CTNNA3: variants seen among roughly 807,000 people sequenced by gnomAD.
The protein encoded by CTNNA3 is catenin alpha-3.
A neutral mutation model predicts 95.7 loss-of-function variants in CTNNA3; 76 were observed. The observed-to-expected ratio is 0.79, with a 90% confidence interval of 0.66 to 0.96. CTNNA3 has a LOEUF of 0.96. Ranked by LOEUF, CTNNA3 falls within the 40% of genes least tolerant of loss-of-function variation. CTNNA3 has a pLI of 0.00. For synonymous variants in CTNNA3, 431 were observed against 374.4 expected (o/e 1.15, Z -1.74); for missense variants, 1,191 against 1,089.8 (o/e 1.09, Z -1.31).
chr10:67,423,568 C>A (rs1486370173), intron 5 of CTNNA3, among the ~76,000 whole-genome samples: 1 of 152,126 alleles, frequency 6.6e-6, no homozygotes, highest in Non-Finnish European at 1.5e-5. Flanking sequence ...AGACACTAAA[C>A]ACTTTTCAGT....
At chr10:65,970,216 C>A (rs2078064529) in intron 16 of CTNNA3, among the ~76,000 whole-genome samples, 1 of 152,160 alleles carries the variant, frequency 6.6e-6, no homozygotes, top group African/African-American at 2.4e-5. Context: ...ATTTTCCAGA[C>A]AAACAAGCAC....
intron 12 of CTNNA3, among the ~76,000 whole-genome samples, chr10:66,351,050 TAAAACA>T (rs980033200): frequency 5.3e-5 from 8 of 152,014 alleles, no homozygotes; most frequent in African/African-American, 1.4e-4. Context: ...TCTTTGAAAA[TAAAACA>T]AAAACAAAAA....
chr10:67,623,420 G>C (rs1362960836), intron 2 of CTNNA3, among the ~76,000 whole-genome samples: 1 of 152,092 alleles, frequency 6.6e-6, no homozygotes, highest in Non-Finnish European at 1.5e-5. Context: ...CCTTTAGAGG[G>C]GGTTGTGGTC....
chr10:67,582,551 G>T (rs1279654590), intron 3 of CTNNA3, among the ~76,000 whole-genome samples: 2 of 152,210 alleles, frequency 1.3e-5, no homozygotes, highest in African/African-American at 4.8e-5. Flanking sequence ...TTGGGGTGGA[G>T]AGCTCTGTAG....
intron 11 of CTNNA3, among the ~76,000 whole-genome samples, chr10:66,458,685 T>A (rs2093510106): frequency 6.6e-6 from 1 of 152,312 alleles, no homozygotes; most frequent in African/African-American, 2.4e-5. Flanking sequence ...ACAATATTTG[T>A]CCTTTTGTGT....
At chr10:66,877,644 T>C (rs1844677262) in intron 7 of CTNNA3, among the ~76,000 whole-genome samples, 1 of 152,148 alleles carries the variant, frequency 6.6e-6, no homozygotes, top group Non-Finnish European at 1.5e-5. Context: ...AGAAAATAAA[T>C]CCAGCTTTCC....
chr10:66,363,119 C>T (rs1459309534), intron 12 of CTNNA3, among the ~76,000 whole-genome samples: 3 of 152,170 alleles, frequency 2.0e-5, no homozygotes, highest in Non-Finnish European at 4.4e-5. Flanking sequence ...AGCTGCTAAA[C>T]ATTAGGCCAA....
intron 12 of CTNNA3, among the ~76,000 whole-genome samples, chr10:66,374,127 T>A (rs888390267): frequency 6.6e-6 from 1 of 152,174 alleles, no homozygotes; most frequent in Non-Finnish European, 1.5e-5. Context: ...ATTGGGCCCC[T>A]CTGCTATGTG....
chr10:66,393,938 AC>A (rs2092954112), intron 11 of CTNNA3, among the ~76,000 whole-genome samples: 1 of 152,068 alleles, frequency 6.6e-6, no homozygotes, highest in Admixed American at 6.6e-5. Flanking sequence ...GTCTCATCTG[AC>A]TTCAAGATAA....
intron 2 of CTNNA3, among the ~76,000 whole-genome samples, chr10:67,617,776 T>C (rs1223416160): frequency 2.0e-5 from 3 of 151,960 alleles, no homozygotes; most frequent in African/African-American, 7.2e-5. Flanking sequence ...CTTTTTTTTT[T>C]TTTTTACTTT....
chr10:66,758,148 T>G (rs1175255867), intron 9 of CTNNA3, among the ~76,000 whole-genome samples: 1 of 152,156 alleles, frequency 6.6e-6, no homozygotes, highest in Non-Finnish European at 1.5e-5. Context: ...ATTACCTACA[T>G]GTATGAAACA....
chr10:67,661,567 TG>T (rs1341889748), intron 1 of CTNNA3, among the ~76,000 whole-genome samples: 1 of 152,154 alleles, frequency 6.6e-6, no homozygotes, highest in East Asian at 1.9e-4. Flanking sequence ...CTGGACTTCA[TG>T]AAAATTCAAA....
chr10:67,629,854 C>T lies in CTNNA3; in HGVS notation c.99+17561G>A, dbSNP rs145006496. Among the ~76,000 whole-genome samples the T allele has an allele frequency of 4.8e-3, 733 of 152,316 alleles. 5 individuals are homozygous for T. The highest frequency in any genetic ancestry group is 0.016 in the African/African-American group (686 of 41,576). On this transcript the variant is annotated intron_variant, in intron 2 of 17. Coordinates refer to ENST00000433211, the MANE Select transcript of CTNNA3 (RefSeq NM_013266.4). ...TGTGAATCCAAACCTGAAAATGCCA[C>T]ATTCACTATGACTCAACTCTTCCCC...
chr10:66,278,156 TC>T (rs1395123727), intron 13 of CTNNA3, among the ~76,000 whole-genome samples: 2 of 141,174 alleles, frequency 1.4e-5, no homozygotes, highest in Non-Finnish European at 3.1e-5. Flanking sequence ...ACAGAACAAA[TC>T]AAAATAAAGG....
intron 11 of CTNNA3, among the ~76,000 whole-genome samples, chr10:66,464,350 T>C (rs1838812828): frequency 6.6e-6 from 1 of 152,170 alleles, no homozygotes; most frequent in Non-Finnish European, 1.5e-5. Flanking sequence ...TTCCACAATA[T>C]TGTCACTCAT....
rs1405348227 is a variant in CTNNA3 at position 66,057,997 on chromosome 10, CTG to C, written c.2159+11309_2159+11310del. On this transcript the variant is annotated intron_variant, in intron 15 of 17. Transcript: ENST00000433211. Reference sequence around the variant, plus strand: ...TACAGTTTAAATCATAAGACATAGACTGTTTCTAAATGGGGAAAACATAAAAC... The same window carrying C: ...TACAGTTTAAATCATAAGACATAGACTTTCTAAATGGGGAAAACATAAAAC... Among the ~76,000 whole-genome samples, 7 of 152,266 alleles carry C rather than the reference CTG, an allele frequency of 4.6e-5. No individual in the cohort carries two copies. In the East Asian group the frequency reaches 1.3e-3, roughly 29 times the overall value.
At chr10:66,978,732 C>T (rs1044717399) in intron 7 of CTNNA3, among the ~76,000 whole-genome samples, 6 of 148,570 alleles carry the variant, frequency 4.0e-5, no homozygotes, top group African/African-American at 9.8e-5. Context: ...TTTACTAAAC[C>T]TGTCACATTA....
intron 13 of CTNNA3, among the ~76,000 whole-genome samples, chr10:66,121,928 T>A (rs2082602330): frequency 6.6e-6 from 1 of 152,214 alleles, no homozygotes; most frequent in Non-Finnish European, 1.5e-5. Context: ...ACAAAAGATG[T>A]TCATGGTTTC....
At chr10:67,113,183 GAAGT>G (rs1269993977) in intron 7 of CTNNA3, among the ~76,000 whole-genome samples, 1 of 152,180 alleles carries the variant, frequency 6.6e-6, no homozygotes, top group African/African-American at 2.4e-5. Flanking sequence ...TATTTAGAGA[GAAGT>G]AAAAGGTAGA....
Sources: allele counts gnomAD v4.1 joint callset (sites outside exome capture counted in the v4.1 genomes callset), GRCh38; gene constraint gnomAD v4.1.1; transcripts MANE v1.5; gene names NCBI Gene and HGNC (gene_info 2026-07-23, HGNC 2026-07-21).